The following TPPP variants were observed in gnomAD, a reference collection of about 807,000 sequenced individuals.
The protein encoded by TPPP is tubulin polymerization promoting protein.
A neutral mutation model predicts 15.5 loss-of-function variants in TPPP; 6 were observed. The observed-to-expected ratio is 0.39, with a 90% CI of 0.21 to 0.77. TPPP has a LOEUF of 0.77. Among genes scored for constraint, TPPP ranks in the 30% least tolerant of loss-of-function variants. The pLI is 0.42. For synonymous variants in TPPP, 146 were observed against 133.9 expected (o/e 1.09, Z -0.63); for missense variants, 269 against 307.2 (o/e 0.88, Z 0.93).
In TPPP at chr5:677,922, CA is replaced by C; in HGVS notation, c.138del (p.Glu47SerfsTer39). 6.2e-7 allele frequency: 1 copy of C among 1,612,716 alleles called. No individual in the cohort carries two copies. Among genetic ancestry groups the C allele is most frequent in the Non-Finnish European group, 8.5e-7 (1 of 1,179,840 alleles). On this transcript the variant is annotated frameshift_variant, in exon 2 of 4. Transcript: ENST00000360578. LOFTEE classifies it high-confidence loss of function. ...AAGGCCTCCTCCAGGGCACTGAGCTCAGGGGATGCGGCTGCCCCCTCACCAG... is the reference window on the plus strand; with the variant it reads ...AAGGCCTCCTCCAGGGCACTGAGCTCGGGGATGCGGCTGCCCCCTCACCAG... ...EGAGEGAAASPELSALEEAFR... is the reference protein window; with the variant it reads ...EGAGEGAAASXELSALEEAFR...
intron 1 of TPPP, among the ~76,000 whole-genome samples, chr5:678,499 C>T (rs1031270705): frequency 2.8e-5 from 4 of 144,198 alleles, no homozygotes; most frequent in Non-Finnish European, 4.4e-5. Flanking sequence ...CTGGAGGACA[C>T]CTCGGGATCA....
chr5:698,458 G>A, the TPPP span, among the ~76,000 whole-genome samples: 47 of 152,146 alleles, frequency 3.1e-4, no homozygotes, highest in African/African-American at 1.1e-3. Flanking sequence ...GCCTGAGACT[G>A]GGTAATTTAT....
upstream of TPPP, among the ~76,000 whole-genome samples, chr5:697,101 G>A (rs1434731328): frequency 1.3e-5 from 2 of 150,738 alleles, no homozygotes; most frequent in African/African-American, 4.9e-5. Flanking sequence ...TTTGGGCTGT[G>A]ATTGCATCTG....
intron 1 of TPPP, chr5:692,636 G>A: frequency 3.0e-6 from 3 of 983,618 alleles, no homozygotes; most frequent in Non-Finnish European, 3.6e-6. Context: ...GCTCCCAGGG[G>A]TGCGGGAAGG....
chr5:676,828 G>A (rs540502956), intron 2 of TPPP, among the ~76,000 whole-genome samples: 2 of 99,980 alleles, frequency 2.0e-5, no homozygotes, highest in African/African-American at 1.5e-4. Flanking sequence ...GCACACATGC[G>A]CACACGTGCA....
upstream of TPPP, among the ~76,000 whole-genome samples, chr5:694,112 G>T (rs1294008208): frequency 1.4e-5 from 2 of 141,742 alleles, no homozygotes; most frequent in African/African-American, 5.0e-5. Context: ...CATCCCGGCC[G>T]CTCTTCCAAT....
upstream of TPPP, among the ~76,000 whole-genome samples, chr5:696,989 T>A (rs1741025007): frequency 8.3e-5 from 12 of 145,120 alleles, no homozygotes; most frequent in Non-Finnish European, 1.7e-4. Flanking sequence ...TGTGTGTGCA[T>A]GTGTCTGTGT....
At chr5:669,002 C>G (rs1200869313) in intron 2 of TPPP, among the ~76,000 whole-genome samples, 1 of 152,238 alleles carries the variant, frequency 6.6e-6, no homozygotes, top group Admixed American at 6.5e-5. Context: ...ACACGCGTGT[C>G]CTAAAGACAC....
At chr5:692,721 G>C (rs1302170009) in intron 1 of TPPP, 1 of 981,430 alleles carries the variant, frequency 1.0e-6, no homozygotes, top group African/African-American at 1.8e-5. Context: ...GAGGCTCTGC[G>C]GGGGGCGGTC....
chr5:666,500 G>A (rs1561080661), intron 2 of TPPP, among the ~76,000 whole-genome samples: 1 of 152,194 alleles, frequency 6.6e-6, no homozygotes, highest in Non-Finnish European at 1.5e-5. Context: ...CCCCGGCTCT[G>A]CCTGTGTGTG....
intron 2 of TPPP, among the ~76,000 whole-genome samples, chr5:669,540 C>T (rs971789185): frequency 6.6e-6 from 1 of 152,158 alleles, no homozygotes; most frequent in South Asian, 2.1e-4. Flanking sequence ...CTATTCCCAC[C>T]CTGCCCAAGC....
chr5:671,197 C>T (rs2126883286), intron 2 of TPPP, among the ~76,000 whole-genome samples: 1 of 146,970 alleles, frequency 6.8e-6, no homozygotes, highest in African/African-American at 2.5e-5. Context: ...ACACCCTGCG[C>T]TTGCTGCTAA....
upstream of TPPP, among the ~76,000 whole-genome samples, chr5:696,882 C>T (rs1333417463): frequency 1.0e-5 from 1 of 96,016 alleles, no homozygotes; most frequent in South Asian, 3.4e-4. Flanking sequence ...ATTTGTGTGT[C>T]TCTGTGTGTA....
At chr5:688,847 G>T (rs1428723944) in intron 1 of TPPP, among the ~76,000 whole-genome samples, 1 of 117,754 alleles carries the variant, frequency 8.5e-6, no homozygotes, top group Non-Finnish European at 2.1e-5. Flanking sequence ...GAGGGTGGAC[G>T]CCCCAGATGC....
intron 2 of TPPP, 47 bp from the exon 3 acceptor site, chr5:666,170 G>A: frequency 6.4e-7 from 1 of 1,557,844 alleles, no homozygotes. Flanking sequence ...CCGGCCCAGG[G>A]CTGCCCTCCC....
rs1459128837 is a variant in TPPP at position 664,967 on chromosome 5, C to A, written c.*135G>T. On this transcript the variant is annotated 3_prime_UTR_variant, in exon 4 of 4. Coordinates refer to ENST00000360578, the MANE Select transcript of TPPP (RefSeq NM_007030.3). ...AGGAGGGGCAGGAGGGAGGCCTGGG[C>A]CTGGCCGCCCCCCAGCCCCCTCTGG... 6 of 1,042,342 alleles carry A rather than the reference C, an allele frequency of 5.8e-6. No homozygotes were observed. The highest frequency in any genetic ancestry group is 8.3e-6 in the Non-Finnish European group (6 of 726,836). 64.6% of individuals were successfully genotyped at this position (1,042,342 alleles called of 1,614,324 possible).
At chr5:687,376 A>AG (rs1740794366) in intron 1 of TPPP, among the ~76,000 whole-genome samples, 1 of 125,246 alleles carries the variant, frequency 8.0e-6, no homozygotes, top group African/African-American at 2.8e-5. Flanking sequence ...GAGAGACCAC[A>AG]GGGGGCTCCA....
At chr5:683,864 C>T (rs1162491010) in intron 1 of TPPP, among the ~76,000 whole-genome samples, 2 of 152,258 alleles carry the variant, frequency 1.3e-5, no homozygotes, top group African/African-American at 4.8e-5. Context: ...GGCAGATTCC[C>T]CTGCGGATAC....
chr5:675,429 A>AATGTG, intron 2 of TPPP, among the ~76,000 whole-genome samples: 1 of 62,322 alleles, frequency 1.6e-5, no homozygotes, highest in African/African-American at 7.1e-5. Context: ...CCAGGGGTGC[A>AATGTG]GCACGGTGGG....
Sources: allele counts gnomAD v4.1 joint callset (sites outside exome capture counted in the v4.1 genomes callset), GRCh38; gene constraint gnomAD v4.1.1; transcripts MANE v1.5; gene names NCBI Gene and HGNC (gene_info 2026-07-23, HGNC 2026-07-21).